The following SORBS2 variants were observed in gnomAD, a reference collection of about 807,000 sequenced individuals.
The protein encoded by SORBS2 is sorbin and SH3 domain containing 2, also known as sorbin and SH3 domain-containing protein 2.
A neutral mutation model predicts 97.7 loss-of-function variants in SORBS2; 46 were observed. The ratio of observed to expected loss-of-function variants is 0.47; its 90% CI spans 0.37 to 0.60. The LOEUF is 0.60. Among genes scored for constraint, SORBS2 ranks in the 20% least tolerant of loss-of-function variants. The pLI, the probability that SORBS2 is intolerant of heterozygous loss-of-function variation, is 0.00. For missense variants in SORBS2, 1,316 were observed against 1,282.3 expected, an observed-to-expected ratio of 1.03 and a Z score of -0.40; for synonymous variants, 476 against 473.4, an observed-to-expected ratio of 1.01 and a Z score of -0.07.
intron 3 of SORBS2, 96 bp downstream of exon 6, chr4:185,678,700 A>T: frequency 8.7e-7 from 1 of 1,150,518 alleles, no homozygotes; most frequent in Non-Finnish European, 1.2e-6. Flanking sequence ...CAGTACATGA[A>T]ATTTAAATTT....
At chr4:185,916,530 T>G (rs992415046) in intron 1 of SORBS2, among the ~76,000 whole-genome samples, 40 of 152,204 alleles carry the variant, frequency 2.6e-4, no homozygotes, top group Non-Finnish European at 5.6e-4. Flanking sequence ...AATAGCTGGA[T>G]TCTTGAAGTG....
At chr4:185,775,116 A>G (rs2133379) in intron 2 of SORBS2, 111 bp downstream of exon 2, 74,093 of 151,680 alleles carry the variant, frequency 0.49, 18,694 homozygotes, top group East Asian at 0.74. Flanking sequence ...GTTTACCTGA[A>G]AATTGTTCAC....
chr4:185,914,815 A>G (rs2099257199), intron 1 of SORBS2, among the ~76,000 whole-genome samples: 1 of 152,222 alleles, frequency 6.6e-6, no homozygotes, highest in Non-Finnish European at 1.5e-5. Context: ...AACCTCTGTA[A>G]CCAGTCACAA....
At chr4:185,893,376 G>T (rs2099243415) in intron 1 of SORBS2, among the ~76,000 whole-genome samples, 1 of 152,196 alleles carries the variant, frequency 6.6e-6, no homozygotes, top group African/African-American at 2.4e-5. Flanking sequence ...AAGGCTCTGG[G>T]AGCTGCTTCC....
chr4:185,623,219 G>A lies in SORBS2; in HGVS notation c.1910C>T (p.Ser637Phe). ...TTGGTCACAGATGTCTTTAAGGGCA[G>A]AGTCCAGAGCCTCAAACACAGATGC... is the stretch of plus-strand genomic sequence containing the variant. Residue 637 changes from serine (S) to phenylalanine (F), a missense_variant, in exon 7 of 15, where the codon TCT (serine) becomes TTT (phenylalanine). Coordinates refer to ENST00000418609, the Ensembl canonical transcript of SORBS2. This position sits in a 1 kb window ranked among gnomAD's most constrained non-coding sequence, Gnocchi z 6.4. 1.2e-6 allele frequency: 2 copies of A among 1,614,152 alleles called. No individual in the cohort carries two copies. Among genetic ancestry groups the A allele is most frequent in the Non-Finnish European group, 1.7e-6 (2 of 1,180,044 alleles).
intron 4 of SORBS2, among the ~76,000 whole-genome samples, chr4:185,674,848 A>G (rs1238166542): frequency 6.6e-6 from 1 of 152,180 alleles, no homozygotes; most frequent in Non-Finnish European, 1.5e-5. Context: ...ATATTGAGTT[A>G]CCATACTTGA....
At chr4:185,844,420 C>G (rs1480481229) in intron 1 of SORBS2, among the ~76,000 whole-genome samples, 1 of 151,382 alleles carries the variant, frequency 6.6e-6, no homozygotes, top group African/African-American at 2.4e-5. Flanking sequence ...CACTTCACAC[C>G]CATGAGAATG....
intron 1 of SORBS2, among the ~76,000 whole-genome samples, chr4:185,835,724 CAGTT>C (rs2099207700): frequency 6.7e-6 from 1 of 148,744 alleles, no homozygotes; most frequent in Non-Finnish European, 1.5e-5. Flanking sequence ...AACCTTTAGC[CAGTT>C]TATCTCCTCT....
At chr4:185,714,588 G>C (rs2098449911) in intron 2 of SORBS2, among the ~76,000 whole-genome samples, 1 of 152,084 alleles carries the variant, frequency 6.6e-6, no homozygotes, top group Non-Finnish European at 1.5e-5. Flanking sequence ...CCTGAGACTG[G>C]GTAATTTATA....
intron 1 of SORBS2, among the ~76,000 whole-genome samples, chr4:185,893,710 C>G (rs907844908): frequency 1.3e-5 from 2 of 152,022 alleles, no homozygotes; most frequent in African/African-American, 4.8e-5. Flanking sequence ...CCATTCCAGG[C>G]GATGGAAGGA....
chr4:185,885,313 G>A (rs976500653), intron 1 of SORBS2, among the ~76,000 whole-genome samples: 7 of 152,180 alleles, frequency 4.6e-5, no homozygotes, highest in Non-Finnish European at 8.8e-5. Flanking sequence ...CTTGAAATAC[G>A]ACATAGCACC....
At chr4:185,809,482 A>AAAAAAAC (rs1561170208) in intron 1 of SORBS2, among the ~76,000 whole-genome samples, 3 of 147,894 alleles carry the variant, frequency 2.0e-5, no homozygotes, top group Admixed American at 6.8e-5. Flanking sequence ...AAAAAAAAAA[A>AAAAAAAC]TCTGATATAG....
At chr4:185,668,805 A>G (rs9312338) in intron 4 of SORBS2, among the ~76,000 whole-genome samples, 60,762 of 152,052 alleles carry the variant, frequency 0.4, 12,310 homozygotes, top group Admixed American at 0.47. Flanking sequence ...CCTTCTTTTC[A>G]AGACCATGGA....
At chr4:185,656,599 T>C (rs2097408176) in intron 1 of SORBS2, 1 of 1,532,474 alleles carries the variant, frequency 6.5e-7, no homozygotes, top group Non-Finnish European at 8.8e-7. Flanking sequence ...CCTCCCCGCA[T>C]GGCCCCCAAC....
chr4:185,645,696 T>G (rs2097196266), intron 4 of SORBS2: 1 of 152,186 alleles, frequency 6.6e-6, no homozygotes, highest in African/African-American at 2.4e-5. Context: ...AAAACTCTCT[T>G]TTTCCTGTTC....
intron 2 of SORBS2, among the ~76,000 whole-genome samples, chr4:185,728,897 G>T (rs1178531360): frequency 6.6e-6 from 1 of 152,242 alleles, no homozygotes; most frequent in Non-Finnish European, 1.5e-5. Flanking sequence ...CTGGAACTGT[G>T]CTGGGTGCAC....
intron 4 of SORBS2, among the ~76,000 whole-genome samples, chr4:185,673,944 C>G (rs2097757796): frequency 6.6e-6 from 1 of 152,180 alleles, no homozygotes; most frequent in African/African-American, 2.4e-5. Flanking sequence ...TTCCTCCTCC[C>G]TTAGAGGACA....
chr4:185,810,185 CAT>C (rs1372163918), intron 1 of SORBS2, among the ~76,000 whole-genome samples: 1 of 152,250 alleles, frequency 6.6e-6, no homozygotes, highest in African/African-American at 2.4e-5. Context: ...AACGTTTGCA[CAT>C]GTTTGGCTCC....
intron 2 of SORBS2, among the ~76,000 whole-genome samples, chr4:185,697,865 C>T (rs1328807938): frequency 6.6e-6 from 1 of 152,086 alleles, no homozygotes; most frequent in Admixed American, 6.5e-5. Flanking sequence ...AAATTTTATG[C>T]TTTGCTAAGT....
Sources: allele counts gnomAD v4.1 joint callset (sites outside exome capture counted in the v4.1 genomes callset), GRCh38; gene constraint gnomAD v4.1.1; non-coding constraint Gnocchi (gnomAD v3.1); transcripts MANE v1.5; gene names NCBI Gene and HGNC (gene_info 2026-07-23, HGNC 2026-07-21).